TTR: variants seen among roughly 807,000 people sequenced by gnomAD.
TTR encodes the protein transthyretin.
A neutral mutation model predicts 13.7 loss-of-function variants in TTR; 8 were observed. That is an observed-to-expected ratio of 0.58 (90% CI 0.34 to 1.05). TTR has a LOEUF of 1.05. Ranked by LOEUF, TTR falls within the 50% of genes least tolerant of loss-of-function variation. The pLI is 0.02. For synonymous variants in TTR, 75 were observed against 71.7 expected, an observed-to-expected ratio of 1.05 and a Z score of -0.23; for missense variants, 135 against 185.5, an observed-to-expected ratio of 0.73 and a Z score of 1.58.
intron 2 of TTR, chr18:31,593,681 G>C (rs971568181): frequency 3.3e-5 from 5 of 151,958 alleles, no homozygotes; most frequent in African/African-American, 1.2e-4. Context: ...GCAAAGTACA[G>C]CCCCAGGCTA....
At position 31,595,112 on chromosome 18, in the gene TTR, C is replaced by T. The variant is rs1287386122; in HGVS notation, c.201-8C>T. ...GCGTAACTTAATCCAGACTTTCACA[C>T]CTTATAGGAAAACCAGTGAGTCTGG... On this transcript the variant is annotated splice_polypyrimidine_tract_variant and splice_region_variant and intron_variant, in intron 2 of 3. Coordinates refer to ENST00000237014, the MANE Select transcript of TTR (RefSeq NM_000371.4). The T allele has an allele frequency of 6.2e-7, 1 of 1,613,892 alleles. No homozygotes were observed. Among genetic ancestry groups the T allele is most frequent in the African/African-American group, 1.3e-5 (1 of 74,890 alleles).
At chr18:31,594,962 TCA>T (rs1401310363) in intron 2 of TTR, among the ~76,000 whole-genome samples, 156 bp from the exon 3 acceptor site, 1 of 152,186 alleles carries the variant, frequency 6.6e-6, no homozygotes, top group Non-Finnish European at 1.5e-5. Flanking sequence ...CCATTTAATT[TCA>T]GTTAGGAGTT....
chr18:31,593,250 G>T (rs1453149882), intron 2 of TTR: 3 of 517,414 alleles, frequency 5.8e-6, no homozygotes, highest in Non-Finnish European at 1.0e-5. Flanking sequence ...GTAGAGAAAA[G>T]AAGGAATCAG....
Position 31,591,972 on chromosome 18 carries a change from G to A in TTR, c.69+1G>A, listed in dbSNP as rs1598843674. 2 of 1,614,122 alleles carry A rather than the reference G, an allele frequency of 1.2e-6. No individual in the cohort carries two copies. The highest frequency in any genetic ancestry group is 1.3e-5 in the African/African-American group (1 of 75,040). On this transcript the variant is annotated splice_donor_variant, in intron 1 of 3. Transcript: ENST00000237014. LOFTEE classifies it high-confidence loss of function. ...ATTTGTGTCTGAGGCTGGCCCTACG[G>A]TGAGTGTTTCTGTGACATCCCATTC...
intron 3 of TTR, chr18:31,595,630 A>G (rs534452544): frequency 5.4e-6 from 2 of 367,952 alleles, no homozygotes; most frequent in South Asian, 4.2e-5. Context: ...AACCCGTAAC[A>G]TTCTTCATTC....
chr18:31,595,583 T>C (rs1451888184), intron 3 of TTR: 3 of 412,126 alleles, frequency 7.3e-6, no homozygotes, highest in Admixed American at 3.3e-5. Flanking sequence ...CCACGTAGAG[T>C]GTATGTAACA....
intron 2 of TTR, among the ~76,000 whole-genome samples, chr18:31,594,458 C>T (rs1487638568): frequency 6.6e-6 from 1 of 152,184 alleles, no homozygotes; most frequent in Non-Finnish European, 1.5e-5. Context: ...ATCCTCACAC[C>T]ACAAGGGAGA....
chr18:31,595,726 G>T, intron 3 of TTR: 1 of 338,314 alleles, frequency 3.0e-6, no homozygotes, highest in Non-Finnish European at 5.8e-6. Flanking sequence ...AAGTAATAAT[G>T]GCAACACAAT....
intron 3 of TTR, 105 bp downstream of exon 3, chr18:31,595,360 A>G (rs752392895): frequency 7.0e-5 from 105 of 1,496,156 alleles, no homozygotes; most frequent in Non-Finnish European, 9.4e-5. Flanking sequence ...GTCCTAAGGA[A>G]GGTGATGAAT....
chr18:31,594,700 T>A (rs1279247180), intron 2 of TTR, among the ~76,000 whole-genome samples: 1 of 151,978 alleles, frequency 6.6e-6, no homozygotes, highest in Non-Finnish European at 1.5e-5. Flanking sequence ...TCCGTCTTTA[T>A]GAAAAATACA....
rs75517067 is a variant in TTR, at chr18:31,595,274, G to A, written c.336+19G>A. On this transcript the variant is annotated intron_variant, in intron 3 of 3. Transcript: ENST00000237014. ...TGCAGAGGTGAGTATACAGACCTTCGAGGGTTGTTTTGGTTTTGGTTTTTG... is the reference window on the plus strand; with the variant it reads ...TGCAGAGGTGAGTATACAGACCTTCAAGGGTTGTTTTGGTTTTGGTTTTTG... 5.5e-4 allele frequency: 885 copies of A among 1,614,114 alleles called. 3 individuals carry two copies. The African/African-American group carries it at 0.011, about 19-fold the overall frequency.
In TTR at chr18:31,598,764, C is replaced by T. The variant is rs2073529902; in HGVS notation, c.*89C>T. On this transcript the variant is annotated 3_prime_UTR_variant, in exon 4 of 4. Coordinates refer to ENST00000237014, the MANE Select transcript of TTR (RefSeq NM_000371.4). ...CATTTTTACTAAAGCAGTGTTTTCACCTCATATGCTATGTTAGAAGTCCAG... is the reference window on the plus strand; with the variant it reads ...CATTTTTACTAAAGCAGTGTTTTCATCTCATATGCTATGTTAGAAGTCCAG... The T allele has an allele frequency of 4.5e-6, 6 of 1,319,594 alleles. No homozygotes were observed. Among genetic ancestry groups the T allele is most frequent in the Admixed American group, 1.8e-5 (1 of 54,954 alleles). 81.7% of individuals were successfully genotyped at this position (1,319,594 alleles called of 1,614,324 possible). A position where few individuals can be genotyped will look rare whatever the true frequency, so the allele number is the denominator to read the frequency against.
At chr18:31,593,086 T>G in intron 2 of TTR, 60 bp downstream of exon 2, 1 of 1,609,042 alleles carries the variant, frequency 6.2e-7, no homozygotes, top group Non-Finnish European at 8.5e-7. Context: ...TGCCCCTCAC[T>G]TGGTAGAGAG....
At chr18:31,595,089 G>A (rs80267101) in intron 2 of TTR, 31 bp from the exon 3 acceptor site, 344 of 1,613,460 alleles carry the variant, frequency 2.1e-4, no homozygotes, top group Middle Eastern at 1.7e-3. Flanking sequence ...TCCTCCATGC[G>A]TAACTTAATC....
chr18:31,598,171 C>T, intron 3 of TTR: 2 of 343,528 alleles, frequency 5.8e-6, no homozygotes, highest in South Asian at 2.5e-5. Flanking sequence ...AATGCTAAAT[C>T]TCTAAGTCTG....
At chr18:31,593,135 G>T in intron 2 of TTR, 109 bp downstream of exon 2, 1 of 1,547,710 alleles carries the variant, frequency 6.5e-7, no homozygotes. Context: ...CAAGTAGATT[G>T]AAAAACGTAG....
At chr18:31,596,750 C>T (rs1268484678) in intron 3 of TTR, among the ~76,000 whole-genome samples, 1 of 151,878 alleles carries the variant, frequency 6.6e-6, no homozygotes, top group Non-Finnish European at 1.5e-5. Flanking sequence ...TACATCCCGA[C>T]CCTTGGAATG....
At chr18:31,598,141 A>G in intron 3 of TTR, 1 of 328,048 alleles carries the variant, frequency 3.0e-6, no homozygotes, top group Middle Eastern at 3.9e-4. Context: ...GTAAATTGGG[A>G]AGAATGTTTC....
At position 31,593,046 on chromosome 18, in the gene TTR, T is replaced by C. The variant is rs2073494875; in HGVS notation, c.200+20T>C. 6.8e-6 allele frequency: 11 copies of C among 1,613,176 alleles called. No homozygotes were observed. The highest frequency in any genetic ancestry group is 9.3e-6 in the Non-Finnish European group (11 of 1,179,512). On this transcript the variant is annotated intron_variant, in intron 2 of 3. Transcript: ENST00000237014. ...CTCTGGGTAAGTTGCCAAAGAACCC[T>C]CCCACAGGACTTGGTTTTATCTTCC...
Sources: allele counts gnomAD v4.1 joint callset (sites outside exome capture counted in the v4.1 genomes callset), GRCh38; gene constraint gnomAD v4.1.1; transcripts MANE v1.5; gene names NCBI Gene and HGNC (gene_info 2026-07-23, HGNC 2026-07-21).